Variants in CHADL observed in about 807,000 individuals in gnomAD.
The protein encoded by CHADL is chondroadherin like.
A neutral mutation model predicts 52.1 loss-of-function variants in CHADL; 48 were observed. That is an observed-to-expected ratio of 0.92 (90% CI 0.73 to 1.17). CHADL has a LOEUF of 1.17. CHADL is among the 50% of genes most tolerant of loss of function. CHADL has a pLI of 0.00. For synonymous variants in CHADL, 498 were observed against 511.2 expected (o/e 0.97, Z 0.35); for missense variants, 977 against 1,035.1 (o/e 0.94, Z 0.77).
Position 41,229,534 on chromosome 22 carries a change from T to G in CHADL, c.*170A>C. ...ATGCTGGGTTTGAATCCATTTTTAT[T>G]CAAAGGGAAAAGAATCCCGCCCACT... On this transcript the variant is annotated 3_prime_UTR_variant, in exon 6 of 6. Coordinates refer to ENST00000216241, the MANE Select transcript of CHADL (RefSeq NM_138481.2). 6.2e-7 allele frequency: 1 copy of G among 1,606,254 alleles called. No individual in the cohort carries two copies. The highest frequency in any genetic ancestry group is 8.5e-7 in the Non-Finnish European group (1 of 1,174,198).
At chr22:41,239,034 C>G (rs1034656888) in intron 2 of CHADL, 149 bp from the exon 3 acceptor site, 4 of 1,072,154 alleles carry the variant, frequency 3.7e-6, no homozygotes, top group African/African-American at 1.6e-5. Flanking sequence ...GGAAGCCTTC[C>G]TCTCCAGTGC....
intron 5 of CHADL, among the ~76,000 whole-genome samples, chr22:41,231,933 A>G (rs1454110600): frequency 6.6e-6 from 1 of 152,232 alleles, no homozygotes; most frequent in African/African-American, 2.4e-5. Context: ...CCCAGGTGCC[A>G]GGTTAAATAG....
Position 41,237,509 on chromosome 22 carries a change from G to A in CHADL, c.1563C>T (p.Pro521=). ...QVPGAALRAL[P]SLFSLHLQDN... is the part of the protein sequence containing the mutation. ...CCTGCAGGTGCAGGGAGAAGAGGCT[G>A]GGCAGGGCGCGCAGGGCAGCCCCTG... is the stretch of plus-strand genomic sequence containing the variant. The change falls in exon 3 of 6, where the codon CCC becomes CCT. Residue 521 remains proline (P), a synonymous_variant. Transcript: ENST00000216241. 1.3e-6 allele frequency: 2 copies of A among 1,550,498 alleles called. No homozygotes were observed. Among genetic ancestry groups the A allele is most frequent in the Non-Finnish European group, 1.7e-6 (2 of 1,146,924 alleles).
rs761003505 is a variant in CHADL, at chr22:41,237,335, A to AT, written c.1736dup (p.Asn579LysfsTer32). 1.5e-5 allele frequency: 24 copies of AT among 1,550,524 alleles called. No homozygotes were observed. In the African/African-American group the frequency reaches 3.0e-4, roughly 19 times the overall value. On this transcript the variant is annotated frameshift_variant, in exon 3 of 6. Coordinates refer to ENST00000216241, the MANE Select transcript of CHADL (RefSeq NM_138481.2). LOFTEE classifies it high-confidence loss of function. ...CCCCAGTGGGCACCTCTCGCAGCTG[A>AT]TTCCTGTCCAGGTGCAGCTTCTCCA...
In CHADL at chr22:41,238,893, C is replaced by G. The variant is rs2032808044; in HGVS notation, c.187-8G>C. On this transcript the variant is annotated splice_region_variant and splice_polypyrimidine_tract_variant and intron_variant, in intron 2 of 5. Coordinates refer to ENST00000216241, the MANE Select transcript of CHADL (RefSeq NM_138481.2). The surrounding 1 kb of genome is among the most constrained non-coding windows in gnomAD (Gnocchi z 4.9). The stretch of plus-strand genomic sequence containing the variant: ...GTCCAGCCGCTGGGTCAGCTGGGGA[C>G]AGCGAGGAGAAAGTGGGGCTGAGCC... The G allele has an allele frequency of 1.3e-6, 2 of 1,523,928 alleles. No homozygotes were observed. Among genetic ancestry groups the G allele is most frequent in the African/African-American group, 1.4e-5 (1 of 72,636 alleles). 94.4% of individuals were successfully genotyped at this position (1,523,928 alleles called of 1,614,324 possible).
At chr22:41,231,779 A>G (rs749163791) in intron 5 of CHADL, among the ~76,000 whole-genome samples, 2 of 152,162 alleles carry the variant, frequency 1.3e-5, no homozygotes, top group Non-Finnish European at 2.9e-5. Context: ...CTCAGGACCC[A>G]CAGGGGCTCC....
In CHADL at chr22:41,240,870, T is replaced by C; in HGVS notation, c.8+4A>G. The C allele has an allele frequency of 6.4e-7, 1 of 1,550,616 alleles. No individual in the cohort carries two copies. The highest frequency in any genetic ancestry group is 1.2e-5 in the South Asian group (1 of 83,912). On this transcript the variant is annotated splice_donor_region_variant and intron_variant, in intron 1 of 5. Coordinates refer to ENST00000216241, the MANE Select transcript of CHADL (RefSeq NM_138481.2). Reference sequence around the variant, plus strand: ...CCCTTGCACCATCGGGCCCAAAGACTCACCCCTCCATGCCGCCTGGAACTG... The same window carrying C: ...CCCTTGCACCATCGGGCCCAAAGACCCACCCCTCCATGCCGCCTGGAACTG...
chr22:41,235,173 A>T lies in CHADL; in HGVS notation c.2234T>A (p.Ile745Asn). 1 of 1,551,396 alleles carries T rather than the reference A, an allele frequency of 6.4e-7. No individual in the cohort carries two copies. Among genetic ancestry groups the T allele is most frequent in the South Asian group, 1.2e-5 (1 of 84,064 alleles). ...ASRPSARRTPIKGRQCGADKV... is the reference protein window; with the variant it reads ...ASRPSARRTPNKGRQCGADKV... ...ATCTGCTCCACACTGTCTTCCTTTG[A>T]TGGGGGTTCTCCTGGCACTGGGCCT... The change falls in exon 5 of 6, where the codon ATC becomes AAC. Residue 745 changes from isoleucine (I) to asparagine (N), a missense_variant. Coordinates refer to ENST00000216241, the MANE Select transcript of CHADL (RefSeq NM_138481.2).
chr22:41,238,628 C>T lies in CHADL; in HGVS notation c.444G>A (p.Glu148=). ...RLELEGNALE[E]LRPGTFGALG... ...GTGCCCCGAACGTCCCCGGCCGCAG[C>T]TCCTCCAGTGCGTTCCCCTCCAGCT... The change falls in exon 3 of 6, where the codon GAG becomes GAA. Residue 148 remains glutamate, a synonymous_variant. Transcript: ENST00000216241. This position sits in a 1 kb window ranked among gnomAD's most constrained non-coding sequence, Gnocchi z 4.9. 2 of 1,544,546 alleles carry T rather than the reference C, an allele frequency of 1.3e-6. No individual in the cohort carries two copies. Among genetic ancestry groups the T allele is most frequent in the Non-Finnish European group, 1.7e-6 (2 of 1,146,516 alleles).
Position 41,237,758 on chromosome 22 carries a change from G to A in CHADL, c.1314C>T (p.Pro438=). The change falls in exon 3 of 6, where the codon CCC becomes CCT. Residue 438 remains proline, a synonymous_variant. Transcript: ENST00000216241. The part of the protein sequence containing the change: ...QLLDLRRNHF[P]SVPRAAFPGL... The stretch of plus-strand genomic sequence containing the variant: ...CGGGGAAGGCCGCTCGGGGCACCGA[G>A]GGGAAGTGGTTCCGCCTCAGGTCCA... The A allele has an allele frequency of 6.5e-7, 1 of 1,538,732 alleles. No homozygotes were observed. The highest frequency in any genetic ancestry group is 1.4e-5 in the African/African-American group (1 of 72,842).
chr22:41,236,507 G>A lies in CHADL; in HGVS notation c.2040C>T (p.Asp680=). 1 of 1,551,348 alleles carries A rather than the reference G, an allele frequency of 6.4e-7. No homozygotes were observed. Among genetic ancestry groups the A allele is most frequent in the East Asian group, 2.4e-5 (1 of 40,916 alleles). Residue 680 remains aspartate, a synonymous_variant, in exon 4 of 6, where the codon GAC becomes GAT. Transcript: ENST00000216241. Reference sequence around the variant, plus strand: ...ACCTGTGCAGCGGAAGCAGCTGGCAGTCACAGTGGAAGGGATTGCTGCTGA... The same window carrying A: ...ACCTGTGCAGCGGAAGCAGCTGGCAATCACAGTGGAAGGGATTGCTGCTGA... ...IDLSSNPFHC[D]CQLLPLHRWL... is the part of the protein sequence containing the mutation.
chr22:41,232,914 GT>G (rs2032655239), intron 5 of CHADL, among the ~76,000 whole-genome samples: 1 of 152,128 alleles, frequency 6.6e-6, no homozygotes. Context: ...ATCAACGATA[GT>G]TCCGGGTCTG....
rs1340825800 is a variant in CHADL, at chr22:41,238,667, C to G, written c.405G>C (p.Ser135=). 6.5e-7 allele frequency: 1 copy of G among 1,545,012 alleles called. No homozygotes were observed. The highest frequency in any genetic ancestry group is 2.0e-5 in the Admixed American group (1 of 50,892). Residue 135 remains serine, a synonymous_variant, in exon 3 of 6, where the codon TCG becomes TCC. Coordinates refer to ENST00000216241, the MANE Select transcript of CHADL (RefSeq NM_138481.2). This position sits in a 1 kb window ranked among gnomAD's most constrained non-coding sequence, Gnocchi z 4.9. ...LPQEALDGLG[S]LRRLELEGNA... ...TCCCCTCCAGCTCCAGCCGCCGCAA[C>G]GAGCCCAGCCCGTCCAGCGCCTCCT...
Position 41,237,454 on chromosome 22 carries a change from C to G in CHADL, c.1618G>C (p.Asp540His), listed in dbSNP as rs1389884461. Reference sequence around the variant, plus strand: ...CGCAAGGCCCGTGTTCTCCCCAGGTCCCCAGGTGCCAGGCGGTCCACAGCG... The same window carrying G: ...CGCAAGGCCCGTGTTCTCCCCAGGTGCCCAGGTGCCAGGCGGTCCACAGCG... ...DNAVDRLAPG[D>H]LGRTRALRWV... The change falls in exon 3 of 6, where the codon GAC (aspartate) becomes CAC (histidine). Residue 540 changes from aspartate (D) to histidine (H), a missense_variant. Physicochemically the swap from Asp to His is moderately conservative, Grantham distance 81 (BLOSUM62 -1). Transcript: ENST00000216241. 1.9e-6 allele frequency: 3 copies of G among 1,550,382 alleles called. No individual in the cohort carries two copies. The African/African-American group carries it at 4.1e-5, about 21-fold the overall frequency.
chr22:41,239,030 C>T (rs2032812136), intron 2 of CHADL, 145 bp from the exon 3 acceptor site: 4 of 1,142,096 alleles, frequency 3.5e-6, no homozygotes, highest in Non-Finnish European at 2.4e-6. Flanking sequence ...TCCAGGAAGC[C>T]TTCCTCTCCA....
At chr22:41,232,557 C>T (rs1219085840) in intron 5 of CHADL, among the ~76,000 whole-genome samples, 1 of 152,116 alleles carries the variant, frequency 6.6e-6, no homozygotes, top group Non-Finnish European at 1.5e-5. Flanking sequence ...GTGCCTGAGC[C>T]TCAAGATAAG....
intron 1 of CHADL, 61 bp downstream of exon 1, chr22:41,240,813 T>G: frequency 6.5e-7 from 1 of 1,546,036 alleles, no homozygotes. Flanking sequence ...GGGCAGAGAC[T>G]TACCTGAGGC....
At chr22:41,237,092 G>A in intron 3 of CHADL, 84 bp downstream of exon 3, 1 of 1,374,368 alleles carries the variant, frequency 7.3e-7, no homozygotes, top group Non-Finnish European at 9.7e-7. Flanking sequence ...CCAAGGGGCT[G>A]GCAAATGCTT....
chr22:41,237,608 G>C lies in CHADL; in HGVS notation c.1464C>G (p.Leu488=). The C allele has an allele frequency of 6.4e-7, 1 of 1,550,486 alleles. No individual in the cohort carries two copies. Among genetic ancestry groups the C allele is most frequent in the Non-Finnish European group, 8.7e-7 (1 of 1,146,898 alleles). The part of the protein sequence containing the change: ...LYLSDNQLAG[L]SAAALEGAPR... ...GAGCCCCTTCAAGGGCAGCAGCGCT[G>C]AGGCCTGCGAGCTGGTTGTCGGAGA... The change falls in exon 3 of 6, where the codon CTC becomes CTG. Residue 488 remains leucine, a synonymous_variant. Coordinates refer to ENST00000216241, the MANE Select transcript of CHADL (RefSeq NM_138481.2).
Sources: allele counts gnomAD v4.1 joint callset (sites outside exome capture counted in the v4.1 genomes callset), GRCh38; gene constraint gnomAD v4.1.1; non-coding constraint Gnocchi (gnomAD v3.1); transcripts MANE v1.5; gene names NCBI Gene and HGNC (gene_info 2026-07-23, HGNC 2026-07-21).